FNDC3A: variants seen among roughly 807,000 people sequenced by gnomAD.
FNDC3A encodes fibronectin type-III domain-containing protein 3A.
A neutral mutation model predicts 148.9 loss-of-function variants in FNDC3A; 32 were observed. That is an observed-to-expected ratio of 0.21 (90% CI 0.16 to 0.29). The LOEUF (loss-of-function observed/expected upper bound fraction) is 0.29. Among genes scored for constraint, FNDC3A ranks in the 10% least tolerant of loss-of-function variants. The pLI is 1.00. For missense variants in FNDC3A, 1,191 were observed against 1,452.8 expected (o/e 0.82, Z 2.93); for synonymous variants, 472 against 473.6 (o/e 1.00, Z 0.04).
intron 2 of FNDC3A, among the ~76,000 whole-genome samples, chr13:49,050,159 G>A (rs1409653699): frequency 4.0e-5 from 6 of 151,782 alleles, no homozygotes; most frequent in African/African-American, 9.7e-5. Context: ...TCTGATGTTC[G>A]TTATTTCTTT....
intron 2 of FNDC3A, among the ~76,000 whole-genome samples, chr13:49,060,729 G>C: frequency 6.7e-6 from 1 of 148,958 alleles, no homozygotes; most frequent in Non-Finnish European, 1.5e-5. Flanking sequence ...GTGAAAAGAA[G>C]CCAGGTCACA....
intron 9 of FNDC3A, among the ~76,000 whole-genome samples, 181 bp downstream of exon 9, chr13:49,167,484 T>A (rs1449569519): frequency 6.6e-6 from 1 of 152,226 alleles, no homozygotes; most frequent in African/African-American, 2.4e-5. Flanking sequence ...AGACGAGGAT[T>A]TCTTGAGCCC....
rs141326760 is a variant in FNDC3A, at chr13:49,059,412, G to C, written c.100-15877G>C. Among the ~76,000 whole-genome samples the C allele has an allele frequency of 2.1e-3, 320 of 152,312 alleles. 2 individuals are homozygous for C. Among genetic ancestry groups the C allele is most frequent in the African/African-American group, 7.1e-3 (296 of 41,570 alleles). ...TTGTGCACCAAAGAACATTGTCAGA[G>C]ATGTGAAAGACAGTCTATAGAATGA... is the stretch of plus-strand genomic sequence containing the variant. On this transcript the variant is annotated intron_variant, in intron 2 of 25. Transcript: ENST00000492622.
chr13:49,010,428 A>G (rs1374634262), intron 2 of FNDC3A, among the ~76,000 whole-genome samples: 2 of 152,166 alleles, frequency 1.3e-5, no homozygotes, highest in Non-Finnish European at 2.9e-5. Context: ...ACAAGGGGCC[A>G]TCTCTCCCCA....
At chr13:49,024,354 A>T (rs1873543750) in intron 2 of FNDC3A, among the ~76,000 whole-genome samples, 3 of 151,994 alleles carry the variant, frequency 2.0e-5, no homozygotes, top group South Asian at 4.1e-4. Context: ...AAGCAGAAAG[A>T]ACTGTTCCTA....
chr13:49,022,108 CCTT>C (rs1226679728), intron 2 of FNDC3A, among the ~76,000 whole-genome samples: 1 of 152,104 alleles, frequency 6.6e-6, no homozygotes. Context: ...CAGTAAGTTT[CCTT>C]ACTTGAGGGC....
chr13:49,015,553 A>T (rs914865899), intron 2 of FNDC3A, among the ~76,000 whole-genome samples: 1 of 152,200 alleles, frequency 6.6e-6, no homozygotes, highest in African/African-American at 2.4e-5. Context: ...AAACGGGGAC[A>T]ATTTGACTTC....
chr13:49,032,551 AG>A (rs1874196380), intron 2 of FNDC3A, among the ~76,000 whole-genome samples: 1 of 152,186 alleles, frequency 6.6e-6, no homozygotes, highest in Non-Finnish European at 1.5e-5. Context: ...ACTGGCTAAC[AG>A]GGTGAAACCC....
chr13:49,042,806 A>T lies in FNDC3A; in HGVS notation c.100-32483A>T, dbSNP rs79984655. Among the ~76,000 whole-genome samples, 146 of 152,244 alleles carry T rather than the reference A, an allele frequency of 9.6e-4. 1 individual carries two copies. The highest frequency in any genetic ancestry group is 3.4e-3 in the African/African-American group (140 of 41,546). On this transcript the variant is annotated intron_variant, in intron 2 of 25. Transcript: ENST00000492622. ...ATTAATTGTTGTTGTAAGTATTTAGAGGTCTGTATTTTTTGATAAATACAG... is the reference window on the plus strand; with the variant it reads ...ATTAATTGTTGTTGTAAGTATTTAGTGGTCTGTATTTTTTGATAAATACAG...
chr13:49,058,992 C>G (rs796735736), intron 2 of FNDC3A, among the ~76,000 whole-genome samples: 12 of 152,284 alleles, frequency 7.9e-5, no homozygotes, highest in African/African-American at 2.9e-4. Flanking sequence ...CACCCCTTAA[C>G]AGGACCAGAG....
At chr13:49,136,196 T>G (rs1343895234) in intron 5 of FNDC3A, 136 bp from the exon 6 acceptor site, 1 of 664,690 alleles carries the variant, frequency 1.5e-6, no homozygotes, top group East Asian at 2.8e-5. Flanking sequence ...ACACAAAGGT[T>G]GCTTTGTTAT....
At chr13:49,045,678 A>G (rs1875340070) in intron 2 of FNDC3A, 1 of 1,127,650 alleles carries the variant, frequency 8.9e-7, no homozygotes, top group Non-Finnish European at 1.3e-6. Context: ...GAAGAGAAAC[A>G]GAGAAACAAC....
At chr13:49,149,018 G>A (rs1883143927) in intron 8 of FNDC3A, among the ~76,000 whole-genome samples, 1 of 152,004 alleles carries the variant, frequency 6.6e-6, no homozygotes, top group African/African-American at 2.4e-5. Flanking sequence ...TATTATTAGT[G>A]TATAGAAATG....
Position 49,075,297 on chromosome 13 carries a change from G to A in FNDC3A, c.108G>A (p.Leu36=). 1 of 1,590,956 alleles carries A rather than the reference G, an allele frequency of 6.3e-7. No individual in the cohort carries two copies. The highest frequency in any genetic ancestry group is 1.1e-5 in the South Asian group (1 of 90,000). ...TTCCCCTCATTTTTAAGGTTATTCT[G>A]GTACAAGTTAACCCAGGAGAAGCAT... ...VSADGTQQVI[L]VQVNPGEAFT... The change falls in exon 3 of 26, where the codon CTG becomes CTA. Residue 36 remains leucine (L), a synonymous_variant. Transcript: ENST00000492622.
At chr13:49,188,423 A>C (rs925331013) in intron 16 of FNDC3A, 92 bp from the exon 17 acceptor site, 8 of 733,316 alleles carry the variant, frequency 1.1e-5, no homozygotes, top group Non-Finnish European at 1.9e-5. Context: ...ACAAATACTT[A>C]CTTTGTGAAG....
At chr13:49,083,577 T>G (rs1371087417) in intron 3 of FNDC3A, among the ~76,000 whole-genome samples, 5 of 152,092 alleles carry the variant, frequency 3.3e-5, no homozygotes, top group Non-Finnish European at 7.4e-5. Flanking sequence ...GAAATCACCT[T>G]TATAAAACAC....
At chr13:48,980,560 ATAAT>A (rs924850958) in intron 1 of FNDC3A, among the ~76,000 whole-genome samples, 19 of 152,202 alleles carry the variant, frequency 1.2e-4, no homozygotes, top group African/African-American at 4.3e-4. Flanking sequence ...CTCTTTACAA[ATAAT>A]TAAGATTTTT....
chr13:49,071,063 T>C (rs1877653045), intron 2 of FNDC3A, among the ~76,000 whole-genome samples: 1 of 73,304 alleles, frequency 1.4e-5, no homozygotes, highest in Non-Finnish European at 2.9e-5. Flanking sequence ...CATGCCGGCT[T>C]TTTTTTTTTT....
chr13:49,087,113 C>T (rs181222098), intron 3 of FNDC3A, among the ~76,000 whole-genome samples: 1 of 152,176 alleles, frequency 6.6e-6, no homozygotes, highest in Non-Finnish European at 1.5e-5. Context: ...ATCAATTCTT[C>T]ATGTTCCTAA....
Sources: allele counts gnomAD v4.1 joint callset (sites outside exome capture counted in the v4.1 genomes callset), GRCh38; gene constraint gnomAD v4.1.1; transcripts MANE v1.5; gene names NCBI Gene and HGNC (gene_info 2026-07-23, HGNC 2026-07-21).